Variants in FARS2 observed in about 807,000 individuals in gnomAD.
FARS2 encodes the protein phenylalanyl-tRNA synthetase 2, mitochondrial.
FARS2 carries 40 observed loss-of-function variants against 46.4 expected under a neutral mutation model. The ratio of observed to expected loss-of-function variants is 0.86; its 90% CI spans 0.67 to 1.12. The LOEUF is 1.12. FARS2 is among the 50% of genes most tolerant of loss of function. The pLI is 0.00. For synonymous variants in FARS2, 234 were observed against 214.9 expected, an observed-to-expected ratio of 1.09 and a Z score of -0.78; for missense variants, 513 against 567.9, an observed-to-expected ratio of 0.90 and a Z score of 0.98.
At chr6:5,291,927 C>A (rs1018134535) in intron 1 of FARS2, among the ~76,000 whole-genome samples, 6 of 152,070 alleles carry the variant, frequency 3.9e-5, no homozygotes, top group Admixed American at 2.0e-4. Context: ...GTAGGGGAGA[C>A]TAATAAGTCA....
chr6:5,600,722 G>A (rs1774462314), intron 5 of FARS2, among the ~76,000 whole-genome samples: 1 of 152,144 alleles, frequency 6.6e-6, no homozygotes, highest in Admixed American at 6.5e-5. Context: ...TATGACTCAA[G>A]ATAATTAATC....
intron 4 of FARS2, among the ~76,000 whole-genome samples, chr6:5,468,611 A>G (rs1765643535): frequency 6.6e-6 from 1 of 152,226 alleles, no homozygotes; most frequent in Non-Finnish European, 1.5e-5. Context: ...AAAGGTAATG[A>G]CACTATTCTA....
intron 1 of FARS2, among the ~76,000 whole-genome samples, chr6:5,315,942 G>A (rs984580664): frequency 2.6e-5 from 4 of 152,220 alleles, no homozygotes; most frequent in African/African-American, 4.8e-5. Flanking sequence ...TGAGTTGTGC[G>A]TGAGGAAGGG....
chr6:5,480,340 A>G (rs1766379172), intron 4 of FARS2, among the ~76,000 whole-genome samples: 1 of 152,248 alleles, frequency 6.6e-6, no homozygotes, highest in Non-Finnish European at 1.5e-5. Context: ...TCACAGATTC[A>G]ATATGAGTTA....
intron 4 of FARS2, among the ~76,000 whole-genome samples, chr6:5,480,719 A>G (rs546133330): frequency 1.3e-5 from 2 of 152,180 alleles, no homozygotes; most frequent in South Asian, 4.2e-4. Flanking sequence ...TCAAATAAAA[A>G]CTTCTGCTAC....
intron 1 of FARS2, among the ~76,000 whole-genome samples, chr6:5,308,026 A>C (rs1299202551): frequency 6.6e-6 from 1 of 152,212 alleles, no homozygotes; most frequent in Non-Finnish European, 1.5e-5. Flanking sequence ...TAAGGACAGT[A>C]GGGAAGGTGT....
intron 5 of FARS2, among the ~76,000 whole-genome samples, chr6:5,563,006 GT>G (rs1373606040): frequency 6.6e-6 from 1 of 151,422 alleles, no homozygotes; most frequent in Non-Finnish European, 1.5e-5. Context: ...TGTTTTTGTG[GT>G]TTTAAGGAGC....
chr6:5,684,805 A>C (rs1467789626), intron 6 of FARS2, among the ~76,000 whole-genome samples: 1 of 152,110 alleles, frequency 6.6e-6, no homozygotes, highest in African/African-American at 2.4e-5. Context: ...ACAGGAGCCG[A>C]ATTCTATTAT....
chr6:5,253,269 T>C, the FARS2 span, among the ~76,000 whole-genome samples: 1 of 152,228 alleles, frequency 6.6e-6, no homozygotes, highest in African/African-American at 2.4e-5. Flanking sequence ...GAGGGATACA[T>C]TGAATATAAT....
chr6:5,654,110 T>C (rs928385543), intron 6 of FARS2, among the ~76,000 whole-genome samples: 1 of 152,058 alleles, frequency 6.6e-6, no homozygotes, highest in Non-Finnish European at 1.5e-5. Flanking sequence ...CCTTTGACCA[T>C]GGAATCCCCA....
chr6:5,426,388 G>A (rs1437439454), intron 3 of FARS2, among the ~76,000 whole-genome samples: 2 of 151,984 alleles, frequency 1.3e-5, no homozygotes, highest in Non-Finnish European at 2.9e-5. Context: ...CTTGACATGT[G>A]AAATAAGTCA....
At chr6:5,720,980 G>A (rs1186377962) in intron 6 of FARS2, among the ~76,000 whole-genome samples, 1 of 152,196 alleles carries the variant, frequency 6.6e-6, no homozygotes, top group African/African-American at 2.4e-5. Context: ...TTGAGGCCAG[G>A]AGGTCGAGGC....
chr6:5,491,380 TGCAGAATTAAG>T (rs2150361336), intron 4 of FARS2, among the ~76,000 whole-genome samples: 1 of 152,334 alleles, frequency 6.6e-6, no homozygotes, highest in South Asian at 2.1e-4. Flanking sequence ...ATTGTTGCTG[TGCAGAATTAAG>T]TAAGTCTTGC....
intron 3 of FARS2, among the ~76,000 whole-genome samples, chr6:5,426,660 C>CT (rs1762870817): frequency 6.6e-6 from 1 of 152,180 alleles, no homozygotes; most frequent in Non-Finnish European, 1.5e-5. Context: ...GAACCTTACT[C>CT]TCTCACCCAG....
intron 6 of FARS2, among the ~76,000 whole-genome samples, chr6:5,750,524 G>A (rs559300737): frequency 2.0e-5 from 3 of 152,144 alleles, no homozygotes; most frequent in African/African-American, 7.2e-5. Context: ...GAGTGAGTTC[G>A]GCTTGTCTAA....
chr6:5,379,665 A>T (rs914141871), intron 2 of FARS2, among the ~76,000 whole-genome samples: 3 of 152,160 alleles, frequency 2.0e-5, no homozygotes, highest in African/African-American at 7.2e-5. Flanking sequence ...GTGTGGGGAA[A>T]GTTAATTTGG....
chr6:5,732,942 C>T (rs554162480), intron 6 of FARS2, among the ~76,000 whole-genome samples: 1 of 152,164 alleles, frequency 6.6e-6, no homozygotes, highest in Non-Finnish European at 1.5e-5. Flanking sequence ...AAAATGCAAC[C>T]ACCAGGAGAC....
At chr6:5,604,459 G>C (rs1333605274) in intron 5 of FARS2, among the ~76,000 whole-genome samples, 2 of 152,154 alleles carry the variant, frequency 1.3e-5, no homozygotes, top group Non-Finnish European at 2.9e-5. Context: ...AACACCTGTG[G>C]AAAGGCAGGG....
chr6:5,609,872 C>A, intron 5 of FARS2: 1 of 990,560 alleles, frequency 1.0e-6, no homozygotes, highest in Non-Finnish European at 1.6e-6. Flanking sequence ...TTAATGCCAC[C>A]AACAAATGCC....
Sources: gnomAD v4.1 joint callset for allele counts (sites outside exome capture counted in the v4.1 genomes callset) on GRCh38, gnomAD v4.1.1 for gene constraint, MANE v1.5 for transcripts, NCBI Gene and HGNC (gene_info 2026-07-23, HGNC 2026-07-21) for gene names.